Variants in COL5A2 observed in about 807,000 individuals in gnomAD.
COL5A2 encodes collagen alpha-2(V) chain.
COL5A2 carries 23 observed loss-of-function variants against 208.2 expected under a neutral mutation model. The ratio of observed to expected loss-of-function variants is 0.11; its 90% confidence interval spans 0.08 to 0.16. The LOEUF is 0.16. Among genes scored for constraint, COL5A2 ranks in the 10% least tolerant of loss-of-function variants. The probability of loss-of-function intolerance (pLI) is 1.00; values close to 1 mark genes in which losing one functional copy is unlikely to be tolerated. For missense variants in COL5A2, 1,590 were observed against 1,956.4 expected, an observed-to-expected ratio of 0.81 and a Z score of 3.53; for synonymous variants, 625 against 628.5, an observed-to-expected ratio of 0.99 and a Z score of 0.08.
the COL5A2 span, among the ~76,000 whole-genome samples, chr2:189,294,820 ACAGAGTCTTGCTCTGTCT>A: frequency 1.3e-5 from 2 of 152,086 alleles, no homozygotes; most frequent in Non-Finnish European, 2.9e-5. Context: ...GTTTTTTGGC[ACAGAGTCTTGCTCTGTCT>A]CAGAGGCTGG....
chr2:189,234,763 G>T, the COL5A2 span, among the ~76,000 whole-genome samples: 1 of 151,620 alleles, frequency 6.6e-6, no homozygotes, highest in Non-Finnish European at 1.5e-5. Flanking sequence ...AAATCTCATT[G>T]TTCTTATCTG....
the COL5A2 span, among the ~76,000 whole-genome samples, chr2:189,347,870 C>G: frequency 6.6e-6 from 1 of 152,122 alleles, no homozygotes; most frequent in Non-Finnish European, 1.5e-5. Flanking sequence ...AGTGACGAGA[C>G]AGAAACTTCA....
chr2:189,178,259 C>T (rs1688714537), intron 1 of COL5A2, among the ~76,000 whole-genome samples: 1 of 152,070 alleles, frequency 6.6e-6, no homozygotes, highest in Admixed American at 6.6e-5. Context: ...TATTCATTTA[C>T]AAATTCGTAT....
At chr2:189,114,549 A>G (rs1195615020) in intron 1 of COL5A2, among the ~76,000 whole-genome samples, 1 of 151,842 alleles carries the variant, frequency 6.6e-6, no homozygotes, top group Non-Finnish European at 1.5e-5. Context: ...GAGAAATTCA[A>G]TTCTGTCCTC....
chr2:189,066,859 T>C, intron 21 of COL5A2, 77 bp from the exon 22 acceptor site: 2 of 1,162,402 alleles, frequency 1.7e-6, no homozygotes, highest in South Asian at 1.2e-5. Flanking sequence ...TTACAATAAA[T>C]AGGCTTTAAA....
the COL5A2 span, among the ~76,000 whole-genome samples, chr2:189,302,506 A>G: frequency 6.6e-6 from 1 of 152,106 alleles, no homozygotes; most frequent in African/African-American, 2.4e-5. Flanking sequence ...CTTATAGGTC[A>G]TTCTTGCCCA....
At chr2:189,183,293 G>A (rs73980176), upstream of COL5A2, among the ~76,000 whole-genome samples, 7 of 152,098 alleles carry the variant, frequency 4.6e-5, no homozygotes, top group African/African-American at 1.7e-4. Flanking sequence ...CTCCTTTTAT[G>A]CCTCCTGCTT....
At chr2:189,411,365 T>G in the COL5A2 span, among the ~76,000 whole-genome samples, 2 of 152,220 alleles carry the variant, frequency 1.3e-5, no homozygotes, top group Non-Finnish European at 2.9e-5. Flanking sequence ...AATCGTTTTT[T>G]TTATTCTAGC....
At chr2:189,304,241 C>T in the COL5A2 span, among the ~76,000 whole-genome samples, 1 of 152,070 alleles carries the variant, frequency 6.6e-6, no homozygotes, top group Non-Finnish European at 1.5e-5. Context: ...CCAAAAATAA[C>T]AAGGGCTTTA....
At chr2:189,150,521 T>C (rs1688122738) in intron 1 of COL5A2, among the ~76,000 whole-genome samples, 1 of 152,192 alleles carries the variant, frequency 6.6e-6, no homozygotes, top group African/African-American at 2.4e-5. Context: ...AAAATTAAAA[T>C]GTTTAGTGTG....
At chr2:189,255,658 C>T in the COL5A2 span, among the ~76,000 whole-genome samples, 4 of 152,048 alleles carry the variant, frequency 2.6e-5, no homozygotes, top group Admixed American at 6.6e-5. Context: ...TAGGTTGGTT[C>T]CAATGCTAGA....
chr2:189,278,493 A>G, the COL5A2 span, among the ~76,000 whole-genome samples: 1 of 152,234 alleles, frequency 6.6e-6, no homozygotes, highest in East Asian at 1.9e-4. Flanking sequence ...ATTAAACATC[A>G]TAAGTCATAA....
At chr2:189,168,125 A>C (rs1287870524) in intron 1 of COL5A2, among the ~76,000 whole-genome samples, 1 of 151,918 alleles carries the variant, frequency 6.6e-6, no homozygotes. Flanking sequence ...TTTTTAGTAG[A>C]GACGGGGGTT....
At chr2:189,395,783 C>T in the COL5A2 span, among the ~76,000 whole-genome samples, 1 of 150,500 alleles carries the variant, frequency 6.6e-6, no homozygotes, top group Non-Finnish European at 1.5e-5. Context: ...TGGCAGGTAC[C>T]TGTAATCCCA....
the COL5A2 span, among the ~76,000 whole-genome samples, chr2:189,432,730 T>C: frequency 2.0e-5 from 3 of 152,144 alleles, no homozygotes; most frequent in African/African-American, 7.2e-5. Flanking sequence ...ACAATAATAA[T>C]GGGAGACTTT....
At chr2:189,204,046 C>G (rs562658825) in intron 1 of COL5A2, among the ~76,000 whole-genome samples, 11 of 152,040 alleles carry the variant, frequency 7.2e-5, no homozygotes, top group Non-Finnish European at 1.3e-4. Flanking sequence ...TACAGTCGCC[C>G]GCCACCACGC....
the COL5A2 span, among the ~76,000 whole-genome samples, chr2:189,300,518 CTG>C: frequency 1.3e-5 from 2 of 152,180 alleles, no homozygotes; most frequent in Admixed American, 1.3e-4. Context: ...AAGGCTAAAA[CTG>C]TATCCCCATT....
upstream of COL5A2, among the ~76,000 whole-genome samples, chr2:189,225,807 T>C (rs1397808523): frequency 1.3e-5 from 2 of 152,128 alleles, no homozygotes; most frequent in Non-Finnish European, 2.9e-5. Flanking sequence ...GCCATACTGA[T>C]TTGTTTTGTT....
chr2:189,184,444 T>C (rs1052850303), upstream of COL5A2, among the ~76,000 whole-genome samples: 5 of 152,220 alleles, frequency 3.3e-5, no homozygotes, highest in African/African-American at 1.2e-4. Flanking sequence ...AAATCTGACA[T>C]GGATCTCGTT....
Sources: gnomAD v4.1 joint callset for allele counts (sites outside exome capture counted in the v4.1 genomes callset) on GRCh38, gnomAD v4.1.1 for gene constraint, MANE v1.5 for transcripts, NCBI Gene and HGNC (gene_info 2026-07-23, HGNC 2026-07-21) for gene names.